The following PAPSS1 variants were observed in gnomAD, a reference collection of about 807,000 sequenced individuals.
The protein encoded by PAPSS1 is 3'-phosphoadenosine 5'-phosphosulfate synthase 1, also known as bifunctional 3'-phosphoadenosine 5'-phosphosulfate synthase 1.
PAPSS1 carries 50 observed loss-of-function variants against 72.0 expected under a neutral mutation model. The observed-to-expected ratio is 0.69, with a 90% CI of 0.55 to 0.88. PAPSS1 has a LOEUF of 0.88. Ranked by LOEUF, PAPSS1 falls within the 40% of genes least tolerant of loss-of-function variation. PAPSS1 has a pLI of 0.00. For missense variants in PAPSS1, 657 were observed against 782.2 expected, an observed-to-expected ratio of 0.84 and a Z score of 1.91; for synonymous variants, 261 against 263.6, an observed-to-expected ratio of 0.99 and a Z score of 0.09.
In PAPSS1 at chr4:107,631,740, C is replaced by A. The variant is rs759719380; in HGVS notation, c.1627G>T (p.Ala543Ser). 9 of 1,614,040 alleles carry A rather than the reference C, an allele frequency of 5.6e-6. No individual in the cohort carries two copies. In the East Asian group the frequency reaches 1.8e-4, roughly 32 times the overall value. ...CCAGGGGCCATCGTCAGCACTTTGG[C>A]ACCATGACTTGGCTCATAAAGATCC... Reference protein sequence around the residue: ...GKDLYEPSHGAKVLTMAPGLI... With the variant: ...GKDLYEPSHGSKVLTMAPGLI... Residue 543 changes from alanine (A) to serine (S), a missense_variant, in exon 11 of 12, where the codon GCC (alanine) becomes TCC (serine). Coordinates refer to ENST00000265174, the MANE Select transcript of PAPSS1 (RefSeq NM_005443.5).
At chr4:107,664,193 A>G (rs562994560) in intron 5 of PAPSS1, among the ~76,000 whole-genome samples, 112 of 152,330 alleles carry the variant, frequency 7.4e-4, no homozygotes, top group African/African-American at 2.6e-3. Flanking sequence ...CTCAACTTCA[A>G]TGGTAAGAAA....
At chr4:107,704,485 T>C (rs2726168) in intron 1 of PAPSS1, among the ~76,000 whole-genome samples, 44,418 of 152,094 alleles carry the variant, frequency 0.29, 7,377 homozygotes, top group East Asian at 0.46. Context: ...AGTTGTGGGC[T>C]TGAACTATGT....
At chr4:107,623,607 CAGG>C (rs1378632971) in intron 11 of PAPSS1, among the ~76,000 whole-genome samples, 2 of 152,324 alleles carry the variant, frequency 1.3e-5, no homozygotes, top group African/African-American at 4.8e-5. Context: ...TCTCCTAGAA[CAGG>C]AGAAGGAACT....
At chr4:107,684,484 A>G (rs970109577) in intron 4 of PAPSS1, among the ~76,000 whole-genome samples, 9 of 152,116 alleles carry the variant, frequency 5.9e-5, no homozygotes, top group South Asian at 2.1e-4. Flanking sequence ...TAACAAAACT[A>G]TATTTTTTTC....
At position 107,700,560 on chromosome 4, in the gene PAPSS1, T is replaced by G. The variant is rs116030467; in HGVS notation, c.175+611A>C. 5.4e-3 allele frequency among the ~76,000 whole-genome samples: 823 copies of G among 152,326 alleles called. 8 individuals are homozygous for G. The highest frequency in any genetic ancestry group is 0.019 in the African/African-American group (772 of 41,570). ...TCTCAAAGTTCATGTGTTGGAAACT[T>G]AATCCTCAATGCAACAGTGTTGAAT... On this transcript the variant is annotated intron_variant, in intron 2 of 11. Transcript: ENST00000265174.
At chr4:107,673,490 G>A (rs1447518103) in intron 5 of PAPSS1, among the ~76,000 whole-genome samples, 1 of 152,144 alleles carries the variant, frequency 6.6e-6, no homozygotes, top group East Asian at 1.9e-4. Flanking sequence ...ATGAAATGAA[G>A]CGAGAAGAGA....
chr4:107,665,668 G>A (rs1266377379), intron 5 of PAPSS1, among the ~76,000 whole-genome samples: 1 of 152,122 alleles, frequency 6.6e-6, no homozygotes, highest in African/African-American at 2.4e-5. Context: ...TACTATTAAT[G>A]AGAGGTGAAT....
At chr4:107,705,361 T>C (rs770010404) in intron 1 of PAPSS1, among the ~76,000 whole-genome samples, 4 of 152,204 alleles carry the variant, frequency 2.6e-5, no homozygotes, top group Non-Finnish European at 5.9e-5. Context: ...CTCGTGATAG[T>C]GAGTTCTCAC....
intron 1 of PAPSS1, among the ~76,000 whole-genome samples, chr4:107,716,932 A>G (rs1308544777): frequency 2.6e-5 from 4 of 152,268 alleles, no homozygotes; most frequent in African/African-American, 9.6e-5. Context: ...ATTTGGTCTC[A>G]CATTTACTTT....
chr4:107,621,318 T>C (rs1259055354), intron 11 of PAPSS1, among the ~76,000 whole-genome samples: 1 of 152,108 alleles, frequency 6.6e-6, no homozygotes, highest in East Asian at 1.9e-4. Flanking sequence ...AAAAGTAAAT[T>C]AAAAAGCAGG....
chr4:107,651,429 G>C (rs1360576612), intron 9 of PAPSS1, among the ~76,000 whole-genome samples: 1 of 152,092 alleles, frequency 6.6e-6, no homozygotes, highest in South Asian at 2.1e-4. Flanking sequence ...AAAAATTAAG[G>C]CACCTGTATT....
At chr4:107,686,810 C>CAACTCT (rs1722798964) in intron 4 of PAPSS1, among the ~76,000 whole-genome samples, 1 of 152,186 alleles carries the variant, frequency 6.6e-6, no homozygotes, top group African/African-American at 2.4e-5. Context: ...TCCCGAGCCC[C>CAACTCT]AACTCTGGCT....
rs1725758339 is a variant in PAPSS1, at chr4:107,614,121, G to A, written c.*128C>T. 5.4e-6 allele frequency: 5 copies of A among 927,294 alleles called. No individual in the cohort carries two copies. In the South Asian group the frequency reaches 7.9e-5, roughly 15 times the overall value. The allele number at this position is 927,294 out of a possible 1,614,324, so 57.4% of individuals were successfully genotyped here. Reference sequence around the variant, plus strand: ...ATAAGGCAGACCAAAACTGATGCAAGTTAAGGAAAATGGTCTGTTTTTAGG... The same window carrying A: ...ATAAGGCAGACCAAAACTGATGCAAATTAAGGAAAATGGTCTGTTTTTAGG... On this transcript the variant is annotated 3_prime_UTR_variant, in exon 12 of 12. Transcript: ENST00000265174.
intron 11 of PAPSS1, among the ~76,000 whole-genome samples, chr4:107,618,117 G>T (rs1008976304): frequency 4.6e-5 from 7 of 152,062 alleles, no homozygotes; most frequent in South Asian, 4.1e-4. Flanking sequence ...TCCAAAGAAA[G>T]AAAACTCACC....
chr4:107,631,333 A>G (rs1385957169), intron 11 of PAPSS1, among the ~76,000 whole-genome samples: 1 of 152,224 alleles, frequency 6.6e-6, no homozygotes, highest in East Asian at 1.9e-4. Context: ...AGTAAACATC[A>G]CTAAGTCCTC....
At chr4:107,623,204 T>C (rs1026300951) in intron 11 of PAPSS1, among the ~76,000 whole-genome samples, 3 of 152,250 alleles carry the variant, frequency 2.0e-5, no homozygotes, top group Non-Finnish European at 4.4e-5. Flanking sequence ...ACTACAAGTA[T>C]ACTGACTTTG....
chr4:107,674,559 C>T, intron 5 of PAPSS1, among the ~76,000 whole-genome samples: 1 of 152,152 alleles, frequency 6.6e-6, no homozygotes, highest in Admixed American at 6.5e-5. Flanking sequence ...TAGAAAGAGA[C>T]TTAGACTCCC....
intron 9 of PAPSS1, among the ~76,000 whole-genome samples, chr4:107,648,670 G>A (rs1250198756): frequency 6.6e-6 from 1 of 152,160 alleles, no homozygotes; most frequent in Non-Finnish European, 1.5e-5. Flanking sequence ...CCTCTCTACG[G>A]TAAAGCTCCA....
intron 1 of PAPSS1, among the ~76,000 whole-genome samples, chr4:107,714,800 T>G (rs1210423283): frequency 6.6e-6 from 1 of 152,162 alleles, no homozygotes; most frequent in Non-Finnish European, 1.5e-5. Flanking sequence ...CATAGAGAAC[T>G]ACTCCTCAAA....
Sources: gnomAD v4.1 joint callset for allele counts (sites outside exome capture counted in the v4.1 genomes callset) on GRCh38, gnomAD v4.1.1 for gene constraint, MANE v1.5 for transcripts, NCBI Gene and HGNC (gene_info 2026-07-23, HGNC 2026-07-21) for gene names.